Variants in ADAMTS3 observed in about 807,000 individuals in gnomAD.
The protein encoded by ADAMTS3 is ADAM metallopeptidase with thrombospondin type 1 motif 3.
A neutral mutation model predicts 129.0 loss-of-function variants in ADAMTS3; 73 were observed. That is an observed-to-expected ratio of 0.57 (90% CI 0.47 to 0.69). ADAMTS3 has a LOEUF of 0.69. ADAMTS3 is among the 30% of genes least tolerant of loss of function. The probability of loss-of-function intolerance (pLI) is 0.00; values close to 1 mark genes in which losing one functional copy is unlikely to be tolerated. For synonymous variants in ADAMTS3, 477 were observed against 510.8 expected (o/e 0.93, Z 0.89); for missense variants, 1,457 against 1,514.5 (o/e 0.96, Z 0.63).
chr4:72,363,935 G>C (rs1177801467), intron 4 of ADAMTS3, among the ~76,000 whole-genome samples: 1 of 152,244 alleles, frequency 6.6e-6, no homozygotes, highest in South Asian at 2.1e-4. Flanking sequence ...TAATGATGAT[G>C]ATGATGAAGA....
chr4:72,455,561 G>C (rs921210891), intron 3 of ADAMTS3, among the ~76,000 whole-genome samples: 8 of 148,962 alleles, frequency 5.4e-5, no homozygotes, highest in East Asian at 2.0e-4. Flanking sequence ...ATCATGGTAC[G>C]TGTATAGCTA....
intron 21 of ADAMTS3, among the ~76,000 whole-genome samples, chr4:72,285,515 T>C (rs75414519): frequency 0.017 from 2,586 of 152,198 alleles, 79 homozygotes; most frequent in African/African-American, 0.059. Context: ...TCATCGCCCC[T>C]GTTAGGAGGC....
intron 3 of ADAMTS3, among the ~76,000 whole-genome samples, chr4:72,445,881 C>T (rs1301841575): frequency 6.6e-6 from 1 of 151,600 alleles, no homozygotes; most frequent in African/African-American, 2.4e-5. Flanking sequence ...ATTCTAAAAA[C>T]AATACTAAAG....
At chr4:72,481,031 A>C (rs889472259) in intron 3 of ADAMTS3, among the ~76,000 whole-genome samples, 1 of 152,136 alleles carries the variant, frequency 6.6e-6, no homozygotes, top group Non-Finnish European at 1.5e-5. Context: ...TGAAACTTAC[A>C]CAATATTGGT....
At chr4:72,436,137 G>T (rs556224486) in intron 3 of ADAMTS3, among the ~76,000 whole-genome samples, 4 of 137,762 alleles carry the variant, frequency 2.9e-5, no homozygotes, top group African/African-American at 1.1e-4. Context: ...AATCTACAAA[G>T]AACTTAAACA....
At chr4:72,499,969 T>C (rs1351664150) in intron 3 of ADAMTS3, among the ~76,000 whole-genome samples, 1 of 152,218 alleles carries the variant, frequency 6.6e-6, no homozygotes, top group Non-Finnish European at 1.5e-5. Context: ...TTCCTTTTTA[T>C]TGCTGCAAAG....
chr4:72,386,327 C>A (rs1436808204), intron 4 of ADAMTS3, among the ~76,000 whole-genome samples: 1 of 152,038 alleles, frequency 6.6e-6, no homozygotes, highest in Non-Finnish European at 1.5e-5. Context: ...TATATATATA[C>A]ACTCTTATTT....
chr4:72,336,543 T>C (rs956858486), intron 5 of ADAMTS3, among the ~76,000 whole-genome samples: 5 of 152,158 alleles, frequency 3.3e-5, no homozygotes, highest in African/African-American at 1.2e-4. Flanking sequence ...CTCAGGTCAG[T>C]ATTTTGGGTC....
chr4:72,306,332 T>C (rs1335783979), intron 15 of ADAMTS3, among the ~76,000 whole-genome samples: 1 of 152,006 alleles, frequency 6.6e-6, no homozygotes, highest in African/African-American at 2.4e-5. Context: ...TGCGTTGACC[T>C]TCAAATGATG....
Position 72,465,413 on chromosome 4 carries a change from C to A in ADAMTS3, c.505-50442G>T, listed in dbSNP as rs564821153. On this transcript the variant is annotated intron_variant, in intron 3 of 21. Coordinates refer to ENST00000286657, the MANE Select transcript of ADAMTS3 (RefSeq NM_014243.3). ...TACCAAGGCTTGGATCATGTAAGGC[C>A]TTGCAGATGATGGTACAAAGTTTGG... 8.5e-5 allele frequency among the ~76,000 whole-genome samples: 13 copies of A among 152,072 alleles called. No individual in the cohort carries two copies. The South Asian group carries it at 1.2e-3, about 15-fold the overall frequency.
intron 3 of ADAMTS3, among the ~76,000 whole-genome samples, chr4:72,468,546 C>T (rs975619184): frequency 2.6e-5 from 4 of 152,056 alleles, no homozygotes; most frequent in Non-Finnish European, 5.9e-5. Context: ...AAAGACTCCC[C>T]ATACCTAGTC....
intron 4 of ADAMTS3, among the ~76,000 whole-genome samples, chr4:72,353,514 T>C (rs1168198414): frequency 6.6e-6 from 1 of 151,932 alleles, no homozygotes; most frequent in Admixed American, 6.6e-5. Context: ...TACCCTTGGA[T>C]AATATCATCA....
chr4:72,356,914 C>T (rs1166662849), intron 4 of ADAMTS3, among the ~76,000 whole-genome samples: 1 of 151,690 alleles, frequency 6.6e-6, no homozygotes, highest in Admixed American at 6.6e-5. Context: ...ATATTAATAT[C>T]TAAAATATAT....
intron 3 of ADAMTS3, among the ~76,000 whole-genome samples, chr4:72,449,488 C>T (rs1718338407): frequency 6.6e-6 from 1 of 151,694 alleles, no homozygotes; most frequent in African/African-American, 2.4e-5. Context: ...GTCAATCTAC[C>T]TCCACAACAT....
chr4:72,387,408 G>A (rs1248632813), intron 4 of ADAMTS3, among the ~76,000 whole-genome samples: 2 of 152,166 alleles, frequency 1.3e-5, no homozygotes, highest in Non-Finnish European at 2.9e-5. Context: ...TATGCTAGCT[G>A]TCTCTTACCT....
chr4:72,398,512 T>C (rs1347636280), intron 4 of ADAMTS3, among the ~76,000 whole-genome samples: 1 of 151,958 alleles, frequency 6.6e-6, no homozygotes, highest in Admixed American at 6.6e-5. Flanking sequence ...GAAGCGGAGG[T>C]TGCAGTGAGC....
At chr4:72,374,575 T>G (rs539803582) in intron 4 of ADAMTS3, among the ~76,000 whole-genome samples, 1 of 152,312 alleles carries the variant, frequency 6.6e-6, no homozygotes, top group African/African-American at 2.4e-5. Flanking sequence ...AACCCTTCCA[T>G]AAATAGATTT....
intron 3 of ADAMTS3, among the ~76,000 whole-genome samples, chr4:72,502,433 T>C (rs955191751): frequency 6.6e-6 from 1 of 152,170 alleles, no homozygotes; most frequent in Non-Finnish European, 1.5e-5. Flanking sequence ...TGAGAATCAT[T>C]TGTATTCCTG....
chr4:72,450,433 G>A (rs900717705), intron 3 of ADAMTS3, among the ~76,000 whole-genome samples: 1 of 151,646 alleles, frequency 6.6e-6, no homozygotes, highest in Non-Finnish European at 1.5e-5. Flanking sequence ...TTGTGGCTGT[G>A]TAAGAGGCAT....
Sources: gnomAD v4.1 joint callset for allele counts (sites outside exome capture counted in the v4.1 genomes callset) on GRCh38, gnomAD v4.1.1 for gene constraint, MANE v1.5 for transcripts, NCBI Gene and HGNC (gene_info 2026-07-23, HGNC 2026-07-21) for gene names.